KCTD8: variants seen among roughly 807,000 people sequenced by gnomAD.
KCTD8 encodes potassium channel tetramerization domain containing 8.
A neutral mutation model predicts 31.5 loss-of-function variants in KCTD8; 27 were observed. The observed-to-expected ratio is 0.86, with a 90% confidence interval of 0.63 to 1.18. The LOEUF is 1.18. Ranked by LOEUF, KCTD8 falls within the 50% of genes most tolerant of loss-of-function variation. KCTD8 has a pLI of 0.00. For missense variants in KCTD8, 658 were observed against 647.7 expected (o/e 1.02, Z -0.17); for synonymous variants, 290 against 280.0 (o/e 1.04, Z -0.36).
chr4:44,438,690 T>G (rs1238670851), intron 1 of KCTD8, among the ~76,000 whole-genome samples: 1 of 152,176 alleles, frequency 6.6e-6, no homozygotes, highest in East Asian at 1.9e-4. Context: ...TCAGGGCAGC[T>G]TTTAGATAGG....
chr4:44,300,125 A>G (rs1197767007), intron 1 of KCTD8, among the ~76,000 whole-genome samples: 1 of 152,110 alleles, frequency 6.6e-6, no homozygotes, highest in African/African-American at 2.4e-5. Flanking sequence ...GTTGTCCAAA[A>G]TAACCTACAG....
intron 1 of KCTD8, among the ~76,000 whole-genome samples, chr4:44,176,781 T>C (rs2109327790): frequency 6.6e-6 from 1 of 152,290 alleles, no homozygotes; most frequent in Middle Eastern, 3.4e-3. Flanking sequence ...CTTTTATGTA[T>C]GTAAATTATA....
intron 1 of KCTD8, among the ~76,000 whole-genome samples, chr4:44,278,232 C>T (rs190159169): frequency 3.9e-5 from 6 of 152,066 alleles, no homozygotes; most frequent in African/African-American, 1.2e-4. Flanking sequence ...TATATAGTAA[C>T]TATATGTATC....
At chr4:44,337,007 G>A (rs1646387054) in intron 1 of KCTD8, among the ~76,000 whole-genome samples, 2 of 152,088 alleles carry the variant, frequency 1.3e-5, no homozygotes, top group South Asian at 4.1e-4. Flanking sequence ...AATATTTAGA[G>A]TAAATATGTC....
chr4:44,257,839 C>G (rs1462158781), intron 1 of KCTD8, among the ~76,000 whole-genome samples: 1 of 151,906 alleles, frequency 6.6e-6, no homozygotes, highest in Non-Finnish European at 1.5e-5. Flanking sequence ...AAAGGCAGCC[C>G]ACTGTCAGGG....
At chr4:44,322,284 C>A (rs1718316496) in intron 1 of KCTD8, among the ~76,000 whole-genome samples, 1 of 151,944 alleles carries the variant, frequency 6.6e-6, no homozygotes, top group Non-Finnish European at 1.5e-5. Flanking sequence ...TTTATAATAG[C>A]CATTTTAACT....
In KCTD8 at chr4:44,255,681, T is replaced by C. The variant is rs192372564; in HGVS notation, c.962-80431A>G. 4.5e-4 allele frequency among the ~76,000 whole-genome samples: 69 copies of C among 151,970 alleles called. No individual in the cohort carries two copies. In the East Asian group the frequency reaches 8.9e-3, roughly 20 times the overall value. On this transcript the variant is annotated intron_variant, in intron 1 of 1. Transcript: ENST00000360029. ...TTCCCATTTAAAAAAATTGTTTCAA[T>C]TGGACTTCCATGTAAAAAATAATCT...
At chr4:44,198,456 C>T (rs1714014541) in intron 1 of KCTD8, among the ~76,000 whole-genome samples, 1 of 152,104 alleles carries the variant, frequency 6.6e-6, no homozygotes, top group Non-Finnish European at 1.5e-5. Context: ...TAGCAGCAGA[C>T]CTCTCAGCAG....
intron 1 of KCTD8, among the ~76,000 whole-genome samples, chr4:44,251,561 C>CT (rs1220181532): frequency 6.6e-6 from 1 of 151,176 alleles, no homozygotes; most frequent in African/African-American, 2.4e-5. Flanking sequence ...CAGGTACCTT[C>CT]TTTTTTGTTA....
chr4:44,204,219 G>A (rs1262901926), intron 1 of KCTD8, among the ~76,000 whole-genome samples: 1 of 152,042 alleles, frequency 6.6e-6, no homozygotes, highest in East Asian at 1.9e-4. Flanking sequence ...TCAGAGTGAA[G>A]TATCAGAAGT....
rs748266665 is a variant in KCTD8, at chr4:44,447,959, C to G, written c.565G>C (p.Gly189Arg). Residue 189 changes from glycine to arginine, a missense_variant, in exon 1 of 2, where the codon GGC becomes CGC. Transcript: ENST00000360029. ...LRGAAAAVPS[G>R]PGAHGGGGGG... ...CCGCCACCACCGTGCGCTCCCGGGC[C>G]CGAGGGCACGGCGGCCGCCGCCCCG... 42 of 1,526,332 alleles carry G rather than the reference C, an allele frequency of 2.8e-5. No homozygotes were observed. Among genetic ancestry groups the G allele is most frequent in the Non-Finnish European group, 3.5e-5 (40 of 1,135,518 alleles). The allele number at this position is 1,526,332 out of a possible 1,614,324, so 94.5% of individuals were successfully genotyped here. A position where few individuals can be genotyped will look rare whatever the true frequency, so the allele number is the denominator to read the frequency against.
intron 1 of KCTD8, among the ~76,000 whole-genome samples, chr4:44,222,956 A>C (rs1194571145): frequency 6.6e-6 from 1 of 152,190 alleles, no homozygotes; most frequent in Non-Finnish European, 1.5e-5. Flanking sequence ...GTAAGTTATG[A>C]TGTGGAATAC....
chr4:44,430,748 C>A (rs1325737615), intron 1 of KCTD8, among the ~76,000 whole-genome samples: 1 of 151,574 alleles, frequency 6.6e-6, no homozygotes, highest in Non-Finnish European at 1.5e-5. Flanking sequence ...ACCAGACTCA[C>A]TATTTCCCTC....
chr4:44,269,736 G>C (rs1233127489), intron 1 of KCTD8, among the ~76,000 whole-genome samples: 2 of 152,000 alleles, frequency 1.3e-5, no homozygotes, highest in East Asian at 3.9e-4. Context: ...CAAAGGATAT[G>C]AACAGACACT....
chr4:44,236,726 C>T (rs990509881), intron 1 of KCTD8, among the ~76,000 whole-genome samples: 2 of 152,096 alleles, frequency 1.3e-5, no homozygotes, highest in African/African-American at 2.4e-5. Context: ...TGAGAAGATA[C>T]TGAAGAAACA....
At position 44,416,185 on chromosome 4, in the gene KCTD8, C is replaced by G. The variant is rs535985593; in HGVS notation, c.961+31378G>C. ...AGATTTCAGATTTTTATGGAGCCTA[C>G]TGTCTCTCTCTTTTGGCTGATTTCT... On this transcript the variant is annotated intron_variant, in intron 1 of 1. Coordinates refer to ENST00000360029, the MANE Select transcript of KCTD8 (RefSeq NM_198353.3). 1.1e-4 allele frequency among the ~76,000 whole-genome samples: 16 copies of G among 152,304 alleles called. 1 individual carries two copies. In the South Asian group the frequency reaches 3.1e-3, roughly 30 times the overall value.
chr4:44,377,623 C>T (rs1446862468), intron 1 of KCTD8, among the ~76,000 whole-genome samples: 2 of 152,172 alleles, frequency 1.3e-5, no homozygotes, highest in Non-Finnish European at 2.9e-5. Flanking sequence ...GCGTCCAGGA[C>T]ACAAGTTCCT....
At chr4:44,363,845 C>CA (rs1373483625) in intron 1 of KCTD8, among the ~76,000 whole-genome samples, 1 of 151,742 alleles carries the variant, frequency 6.6e-6, no homozygotes, top group Non-Finnish European at 1.5e-5. Flanking sequence ...CAACTATGGA[C>CA]AAAAAACCAT....
At chr4:44,198,870 A>G (rs528766219) in intron 1 of KCTD8, among the ~76,000 whole-genome samples, 1 of 152,306 alleles carries the variant, frequency 6.6e-6, no homozygotes, top group East Asian at 1.9e-4. Flanking sequence ...GGCAAGCTGG[A>G]TAAAAAGACA....
Sources: allele counts gnomAD v4.1 joint callset (sites outside exome capture counted in the v4.1 genomes callset), GRCh38; gene constraint gnomAD v4.1.1; transcripts MANE v1.5; gene names NCBI Gene and HGNC (gene_info 2026-07-23, HGNC 2026-07-21).